Variants in ZNF462 observed in about 807,000 individuals in gnomAD.
The protein encoded by ZNF462 is zinc finger PBX1-interacting protein.
A neutral mutation model predicts 201.9 loss-of-function variants in ZNF462; 10 were observed. The observed-to-expected ratio is 0.05, with a 90% CI of 0.03 to 0.08. The LOEUF (loss-of-function observed/expected upper bound fraction) is 0.08. Ranked by LOEUF, ZNF462 falls within the 10% of genes least tolerant of loss-of-function variation. The pLI is 1.00. For synonymous variants in ZNF462, 1,227 were observed against 1,193.3 expected, an observed-to-expected ratio of 1.03 and a Z score of -0.58; for missense variants, 2,523 against 3,168.3, an observed-to-expected ratio of 0.80 and a Z score of 4.89.
intron 1 of ZNF462, among the ~76,000 whole-genome samples, chr9:106,864,086 CTCTCTCTCTCTCTCTCTCT>C (rs1827201460): frequency 7.4e-6 from 1 of 134,664 alleles, no homozygotes; most frequent in Non-Finnish European, 1.7e-5. Context: ...CTCTCTCTCT[CTCTCTCTCTCTCTCTCTCT>C]CTCTCCCTCT....
intron 1 of ZNF462, among the ~76,000 whole-genome samples, chr9:106,901,260 T>G (rs1007328442): frequency 6.6e-6 from 1 of 152,206 alleles, no homozygotes; most frequent in Admixed American, 6.5e-5. Context: ...TTCTCTATTC[T>G]CTTCCACTGG....
rs1243773273 is a variant in ZNF462 at position 106,927,062 on chromosome 9, G to A, written c.3150G>A (p.Gln1050=). 3 of 1,613,896 alleles carry A rather than the reference G, an allele frequency of 1.9e-6. No homozygotes were observed. Among genetic ancestry groups the A allele is most frequent in the Non-Finnish European group, 1.7e-6 (2 of 1,179,944 alleles). ...TGCATTCTGTCTTGGTTCATTATCAGAAGAAACACCCCGAAGAAAAGGCTT... is the reference window on the plus strand; with the variant it reads ...TGCATTCTGTCTTGGTTCATTATCAAAAGAAACACCCCGAAGAAAAGGCTT... The part of the protein sequence containing the change: ...PNMHSVLVHY[Q]KKHPEEKASY... Residue 1050 remains glutamine (Q), a synonymous_variant, in exon 3 of 13, where the codon CAG becomes CAA. Transcript: ENST00000277225.
At chr9:106,862,719 A>AG (rs1054933939), upstream of ZNF462, among the ~76,000 whole-genome samples, 1 of 152,030 alleles carries the variant, frequency 6.6e-6, no homozygotes, top group African/African-American at 2.4e-5. The surrounding 1 kb of genome is among the most constrained non-coding windows in gnomAD (Gnocchi z 4.2). Context: ...GGGGTTCAGC[A>AG]GGGGGGAGGG....
Position 106,935,163 on chromosome 9 carries a change from G to T in ZNF462, c.6117-340G>T, listed in dbSNP as rs1335472307. Among the ~76,000 whole-genome samples, 1 of 152,152 alleles carries T rather than the reference G, an allele frequency of 6.6e-6. No individual in the cohort carries two copies. Among genetic ancestry groups the T allele is most frequent in the Non-Finnish European group, 1.5e-5 (1 of 68,030 alleles). ...GGCACTCTCACTGGCTTGGCAGGAA[G>T]CTTGAATTCACCCATATTGTACCTT... On this transcript the variant is annotated intron_variant, in intron 5 of 12. Transcript: ENST00000277225. The surrounding 1 kb of genome is among the most constrained non-coding windows in gnomAD (Gnocchi z 4.1).
chr9:106,901,411 T>C (rs1455134063), intron 1 of ZNF462, among the ~76,000 whole-genome samples: 1 of 152,176 alleles, frequency 6.6e-6, no homozygotes, highest in African/African-American at 2.4e-5. Flanking sequence ...TATTTTTTGG[T>C]TCCATATGAA....
intron 7 of ZNF462, among the ~76,000 whole-genome samples, chr9:106,971,505 C>T (rs1325482418): frequency 2.0e-5 from 3 of 151,726 alleles, no homozygotes; most frequent in African/African-American, 7.3e-5. Flanking sequence ...GATAGTTCCT[C>T]CCGGCATGCA....
At chr9:106,899,263 C>T (rs1325009697) in intron 1 of ZNF462, among the ~76,000 whole-genome samples, 1 of 135,790 alleles carries the variant, frequency 7.4e-6, no homozygotes, top group East Asian at 2.3e-4. Flanking sequence ...TGTGTGCATG[C>T]ATGCATGTGT....
rs1244078845 is a variant in ZNF462, at chr9:106,977,488, G to T, written c.6832+3215G>T. 6.6e-6 allele frequency among the ~76,000 whole-genome samples: 1 copy of T among 151,584 alleles called. No individual in the cohort carries two copies. Among genetic ancestry groups the T allele is most frequent in the Non-Finnish European group, 1.5e-5 (1 of 68,028 alleles). ...TTTAAGTAGAGAGAGAATCTACTTC[G>T]CTCATGGGAAATCTGAATATGAACT... is the stretch of plus-strand genomic sequence containing the variant. On this transcript the variant is annotated intron_variant, in intron 9 of 12. Coordinates refer to ENST00000277225, the MANE Select transcript of ZNF462 (RefSeq NM_021224.6). This position sits in a 1 kb window ranked among gnomAD's most constrained non-coding sequence, Gnocchi z 4.6.
chr9:106,953,757 C>T (rs76762962), intron 7 of ZNF462, among the ~76,000 whole-genome samples: 3,999 of 152,220 alleles, frequency 0.026, 192 homozygotes, highest in African/African-American at 0.09. Context: ...TCTAACTGCT[C>T]CCTACCTTCT....
At chr9:106,949,379 A>C (rs1564126414) in intron 7 of ZNF462, among the ~76,000 whole-genome samples, 1 of 152,228 alleles carries the variant, frequency 6.6e-6, no homozygotes, top group Non-Finnish European at 1.5e-5. Context: ...CAAGAGAACA[A>C]TTTATGTGTG....
chr9:106,912,538 G>A (rs916146994), intron 1 of ZNF462, among the ~76,000 whole-genome samples: 5 of 152,170 alleles, frequency 3.3e-5, no homozygotes, highest in African/African-American at 1.2e-4. Flanking sequence ...TGGACCTTAA[G>A]TGTGAATACT....
chr9:106,916,522 G>A (rs975430330), intron 1 of ZNF462, among the ~76,000 whole-genome samples: 14 of 152,188 alleles, frequency 9.2e-5, no homozygotes, highest in African/African-American at 3.1e-4. Flanking sequence ...AGTCGATAAA[G>A]CAACACCGTG....
At position 106,958,391 on chromosome 9, in the gene ZNF462, C is replaced by T. The variant is rs1189059490; in HGVS notation, c.6428-13614C>T. Among the ~76,000 whole-genome samples the T allele has an allele frequency of 2.0e-5, 3 of 152,090 alleles. No individual in the cohort carries two copies. The East Asian group carries it at 5.8e-4, about 29-fold the overall frequency. On this transcript the variant is annotated intron_variant, in intron 7 of 12. Coordinates refer to ENST00000277225, the MANE Select transcript of ZNF462 (RefSeq NM_021224.6). ...CCTGCATTTCTCACTGGGATCATTC[C>T]TCACCACTTCTTCCCTTGCACTGTA...
chr9:106,974,091 G>A lies in ZNF462; in HGVS notation c.6696-46G>A, dbSNP rs372015663. Reference sequence around the variant, plus strand: ...CCAGCAGGAAATGTGAAAATGCAATGATCCCTGGTTACACGCATCACCTCT... The same window carrying A: ...CCAGCAGGAAATGTGAAAATGCAATAATCCCTGGTTACACGCATCACCTCT... On this transcript the variant is annotated intron_variant, in intron 8 of 12. Coordinates refer to ENST00000277225, the MANE Select transcript of ZNF462 (RefSeq NM_021224.6). This position sits in a 1 kb window ranked among gnomAD's most constrained non-coding sequence, Gnocchi z 4.0. 31 of 1,610,348 alleles carry A rather than the reference G, an allele frequency of 1.9e-5. No homozygotes were observed. The African/African-American group carries it at 3.9e-4, about 20-fold the overall frequency.
At position 106,993,678 on chromosome 9, in the gene ZNF462, C is replaced by T. The variant is rs1269732851; in HGVS notation, c.7056+9269C>T. Reference sequence around the variant, plus strand: ...TTCTCTGTCCCCCAACATTCTACCCCCCAACACACATAGTGAATTATTTAT... The same window carrying T: ...TTCTCTGTCCCCCAACATTCTACCCTCCAACACACATAGTGAATTATTTAT... On this transcript the variant is annotated intron_variant, in intron 10 of 12. Transcript: ENST00000277225. This position sits in a 1 kb window ranked among gnomAD's most constrained non-coding sequence, Gnocchi z 4.0. Among the ~76,000 whole-genome samples, 1 of 150,402 alleles carries T rather than the reference C, an allele frequency of 6.6e-6. No homozygotes were observed. Among genetic ancestry groups the T allele is most frequent in the African/African-American group, 2.4e-5 (1 of 40,860 alleles).
chr9:106,990,571 C>G (rs986077934), intron 10 of ZNF462, among the ~76,000 whole-genome samples: 3 of 151,902 alleles, frequency 2.0e-5, no homozygotes, highest in Non-Finnish European at 2.9e-5. Context: ...TTAGTTTAGA[C>G]ACAGTCTTTA....
intron 7 of ZNF462, among the ~76,000 whole-genome samples, chr9:106,948,949 T>C (rs930223130): frequency 2.0e-5 from 3 of 152,180 alleles, no homozygotes; most frequent in Non-Finnish European, 4.4e-5. Context: ...ATTAATTTTA[T>C]CTTAAGGCTC....
Position 106,935,465 on chromosome 9 carries a change from T to C in ZNF462, c.6117-38T>C. 3 of 1,587,260 alleles carry C rather than the reference T, an allele frequency of 1.9e-6. No individual in the cohort carries two copies. The highest frequency in any genetic ancestry group is 1.7e-6 in the Non-Finnish European group (2 of 1,156,170). On this transcript the variant is annotated intron_variant, in intron 5 of 12. Coordinates refer to ENST00000277225, the MANE Select transcript of ZNF462 (RefSeq NM_021224.6). The surrounding 1 kb of genome is among the most constrained non-coding windows in gnomAD (Gnocchi z 4.1). ...AGCAAATCCTCTATGCAATTTTTAATTTTGTCATTTTTCTTTTTGTTTTCC... is the reference window on the plus strand; with the variant it reads ...AGCAAATCCTCTATGCAATTTTTAACTTTGTCATTTTTCTTTTTGTTTTCC...
chr9:106,877,475 G>C (rs1222311987), intron 1 of ZNF462, among the ~76,000 whole-genome samples: 2 of 151,458 alleles, frequency 1.3e-5, no homozygotes, highest in African/African-American at 4.9e-5. Context: ...CTGTAAGCCC[G>C]GCCTCCTGGG....
Sources: allele counts gnomAD v4.1 joint callset (sites outside exome capture counted in the v4.1 genomes callset), GRCh38; gene constraint gnomAD v4.1.1; non-coding constraint Gnocchi (gnomAD v3.1); transcripts MANE v1.5; gene names NCBI Gene and HGNC (gene_info 2026-07-23, HGNC 2026-07-21).